EEF1E1: variants seen among roughly 807,000 people sequenced by gnomAD.
The protein encoded by EEF1E1 is eukaryotic translation elongation factor 1 epsilon 1.
EEF1E1 carries 19 observed loss-of-function variants against 19.9 expected under a neutral mutation model. The observed-to-expected ratio is 0.95, with a 90% CI of 0.66 to 1.40. The LOEUF (loss-of-function observed/expected upper bound fraction) is 1.40. Ranked by LOEUF, EEF1E1 falls within the 40% of genes most tolerant of loss-of-function variation. The probability of loss-of-function intolerance (pLI) is 0.00; values close to 1 mark genes in which losing one functional copy is unlikely to be tolerated. For missense variants in EEF1E1, 198 were observed against 202.2 expected (o/e 0.98, Z 0.13); for synonymous variants, 81 against 80.0 (o/e 1.01, Z -0.07).
Position 8,097,462 on chromosome 6 carries a change from T to C in EEF1E1, c.93A>G (p.Pro31=), listed in dbSNP as rs774369251. 6.2e-7 allele frequency: 1 copy of C among 1,611,660 alleles called. No individual in the cohort carries two copies. Among genetic ancestry groups the C allele is most frequent in the South Asian group, 1.1e-5 (1 of 90,460 alleles). The change falls in exon 2 of 4, where the codon CCA becomes CCG. Residue 31 remains proline, a synonymous_variant. Coordinates refer to ENST00000379715, the MANE Select transcript of EEF1E1 (RefSeq NM_004280.5). The stretch of plus-strand genomic sequence containing the variant: ...TTGGACCATTGTTTGTCTGAAGAAC[T>C]GGAATCTTAAAAAGAAAAAAAAGTT... ...KYSAQGERQI[P]VLQTNNGPSL... is the part of the protein sequence containing the mutation.
intron 3 of EEF1E1, among the ~76,000 whole-genome samples, chr6:8,088,542 T>C (rs749216192): frequency 1.3e-5 from 2 of 152,208 alleles, no homozygotes; most frequent in Non-Finnish European, 2.9e-5. Context: ...ACAAGCCCTC[T>C]CTGCCTGCTG....
intron 1 of EEF1E1, among the ~76,000 whole-genome samples, chr6:8,098,282 G>A (rs1758230596): frequency 6.6e-6 from 1 of 151,946 alleles, no homozygotes; most frequent in Admixed American, 6.6e-5. Flanking sequence ...ACCACACCCG[G>A]AAGTTTTTTG....
chr6:8,075,554 TA>T (rs111269610), downstream of EEF1E1, among the ~76,000 whole-genome samples: 277 of 152,208 alleles, frequency 1.8e-3, 3 homozygotes, highest in African/African-American at 6.4e-3. Context: ...GCACCTTAAC[TA>T]AAAAAAATTT....
intron 1 of EEF1E1, among the ~76,000 whole-genome samples, chr6:8,100,215 A>C (rs1358280824): frequency 6.6e-6 from 1 of 152,222 alleles, no homozygotes; most frequent in Non-Finnish European, 1.5e-5. Flanking sequence ...CTTGCATTGC[A>C]TCATTCCTCA....
chr6:8,082,669 C>T (rs1581457960), intron 3 of EEF1E1, among the ~76,000 whole-genome samples: 1 of 152,194 alleles, frequency 6.6e-6, no homozygotes, highest in East Asian at 1.9e-4. Flanking sequence ...ATTTTTCCCT[C>T]AGGAAACTTT....
At chr6:8,087,690 G>A (rs1213465340) in intron 3 of EEF1E1, among the ~76,000 whole-genome samples, 1 of 152,212 alleles carries the variant, frequency 6.6e-6, no homozygotes, top group Non-Finnish European at 1.5e-5. Context: ...ACACGGTCAT[G>A]AGAAAGACTG....
Position 8,102,465 on chromosome 6 carries a change from C to G in EEF1E1, c.57G>C (p.Gly19=). 1 of 1,612,662 alleles carries G rather than the reference C, an allele frequency of 6.2e-7. No homozygotes were observed. Among genetic ancestry groups the G allele is most frequent in the Non-Finnish European group, 8.5e-7 (1 of 1,179,938 alleles). The change falls in exon 1 of 4, where the codon GGG becomes GGC. Residue 19 remains glycine (G), a synonymous_variant. Coordinates refer to ENST00000379715, the MANE Select transcript of EEF1E1 (RefSeq NM_004280.5). ...GCTCGCCCTGAGCACTGTATTTATT[C>G]CCCTTACTCAGTCCCAGGGACTTCT... The part of the protein sequence containing the change: ...LLEKSLGLSK[G]NKYSAQGERQ...
At chr6:8,076,969 G>T (rs562330260), downstream of EEF1E1, among the ~76,000 whole-genome samples, 1 of 112,756 alleles carries the variant, frequency 8.9e-6, no homozygotes, top group Non-Finnish European at 1.8e-5. Flanking sequence ...TTGAGATGGA[G>T]TCTCGCGCTG....
chr6:8,087,759 T>G (rs1757901849), intron 3 of EEF1E1, among the ~76,000 whole-genome samples: 1 of 152,158 alleles, frequency 6.6e-6, no homozygotes, highest in Non-Finnish European at 1.5e-5. Flanking sequence ...AACAAAAGAT[T>G]CTAAATACTG....
intron 3 of EEF1E1, among the ~76,000 whole-genome samples, chr6:8,074,168 C>T (rs1757540483): frequency 6.6e-6 from 1 of 152,180 alleles, no homozygotes; most frequent in African/African-American, 2.4e-5. Flanking sequence ...ATGGAAACCA[C>T]TCGTTCAGCA....
At chr6:8,078,738 T>C (rs1263610979), downstream of EEF1E1, 1 of 1,285,134 alleles carries the variant, frequency 7.8e-7, no homozygotes, top group Admixed American at 2.3e-5. Context: ...AATCATGATT[T>C]GCCTGGAGAA....
At chr6:8,073,542 A>G (rs1757529349) in intron 3 of EEF1E1, 13 of 1,551,308 alleles carry the variant, frequency 8.4e-6, no homozygotes, top group Admixed American at 3.9e-5. Flanking sequence ...GAGTTAATTC[A>G]CTTAAAGCAC....
At chr6:8,094,940 G>A (rs1235754529) in intron 2 of EEF1E1, among the ~76,000 whole-genome samples, 2 of 152,008 alleles carry the variant, frequency 1.3e-5, no homozygotes, top group African/African-American at 2.4e-5. Flanking sequence ...TTAAGAATAC[G>A]GTATATAATA....
chr6:8,099,805 A>G (rs1758291437), intron 1 of EEF1E1, among the ~76,000 whole-genome samples: 1 of 150,130 alleles, frequency 6.7e-6, no homozygotes, highest in Non-Finnish European at 1.5e-5. Flanking sequence ...AAAAAAACAG[A>G]ACCCTCTATA....
intron 3 of EEF1E1, among the ~76,000 whole-genome samples, chr6:8,074,317 C>T (rs975428343): frequency 3.3e-5 from 5 of 152,082 alleles, no homozygotes; most frequent in East Asian, 1.9e-4. Context: ...ATAACATATA[C>T]GTGTAATTTA....
intron 2 of EEF1E1, among the ~76,000 whole-genome samples, chr6:8,093,907 C>T (rs1462415046): frequency 6.6e-6 from 1 of 151,952 alleles, no homozygotes; most frequent in African/African-American, 2.4e-5. Flanking sequence ...AAGTGATTCT[C>T]CTGCCTCAGC....
At chr6:8,076,947 G>GT (rs70982138), downstream of EEF1E1, among the ~76,000 whole-genome samples, 23,058 of 112,808 alleles carry the variant, frequency 0.2, 2,506 homozygotes, top group East Asian at 0.49. Context: ...TTTTGTTTTT[G>GT]TTTTTTTTTT....
chr6:8,089,592 G>A (rs1271758946), intron 3 of EEF1E1, among the ~76,000 whole-genome samples: 1 of 152,196 alleles, frequency 6.6e-6, no homozygotes, highest in Non-Finnish European at 1.5e-5. Context: ...ATCAGATGGT[G>A]CCCACCCAGA....
chr6:8,097,321 C>G lies in EEF1E1; in HGVS notation c.234G>C (p.Arg78Ser), dbSNP rs1478186913. Residue 78 changes from arginine (R) to serine (S), a missense_variant, in exon 2 of 4, where the codon AGG becomes AGC. Physicochemically the swap from Arg to Ser is moderately radical, Grantham distance 110. Coordinates refer to ENST00000379715, the MANE Select transcript of EEF1E1 (RefSeq NM_004280.5). ...TGGAGTGCCCATCTACTTGAGTGAC[C>G]CTGTATTCTAACCACTGCTGAACGA... is the stretch of plus-strand genomic sequence containing the variant. ...KAIVQQWLEY[R>S]VTQVDGHSSK... 2.5e-6 allele frequency: 4 copies of G among 1,613,942 alleles called. No individual in the cohort carries two copies. The African/African-American group carries it at 5.3e-5, about 22-fold the overall frequency.
Sources: gnomAD v4.1 joint callset for allele counts (sites outside exome capture counted in the v4.1 genomes callset) on GRCh38, gnomAD v4.1.1 for gene constraint, MANE v1.5 for transcripts, NCBI Gene and HGNC (gene_info 2026-07-23, HGNC 2026-07-21) for gene names.